FARP2: variants seen among roughly 807,000 people sequenced by gnomAD.
FARP2 encodes the protein FERM, ARHGEF and pleckstrin domain-containing protein 2.
In FARP2, 111 loss-of-function variants were observed where a neutral mutation model predicts 130.5. The observed-to-expected ratio is 0.85, with a 90% CI of 0.73 to 1.00. The LOEUF is 1.00. Among genes scored for constraint, FARP2 ranks in the 50% least tolerant of loss-of-function variants. The pLI, the probability that FARP2 is intolerant of heterozygous loss-of-function variation, is 0.00. For missense variants in FARP2, 1,385 were observed against 1,346.3 expected, an observed-to-expected ratio of 1.03 and a Z score of -0.45; for synonymous variants, 504 against 516.9, an observed-to-expected ratio of 0.98 and a Z score of 0.34.
At chr2:241,380,404 G>T (rs946390849) in intron 2 of FARP2, among the ~76,000 whole-genome samples, 1 of 152,100 alleles carries the variant, frequency 6.6e-6, no homozygotes, top group African/African-American at 2.4e-5. Context: ...CCCCATTTTT[G>T]ATCAGGAGAG....
At chr2:241,390,597 G>A (rs914200100) in intron 2 of FARP2, among the ~76,000 whole-genome samples, 61 of 151,888 alleles carry the variant, frequency 4.0e-4, no homozygotes, top group African/African-American at 1.3e-3. Flanking sequence ...TTATTTAGTT[G>A]GATTCTTTTT....
chr2:241,478,645 G>T, intron 19 of FARP2: 1 of 500,486 alleles, frequency 2.0e-6, no homozygotes, highest in Non-Finnish European at 4.1e-6. Context: ...ACCTTGTGGA[G>T]GAAGGAGTGT....
chr2:241,410,742 T>G (rs2062496008), intron 5 of FARP2, among the ~76,000 whole-genome samples: 1 of 152,188 alleles, frequency 6.6e-6, no homozygotes, highest in Admixed American at 6.5e-5. Context: ...TTTCTTTTTT[T>G]TATTGTTCAC....
intron 18 of FARP2, among the ~76,000 whole-genome samples, chr2:241,473,861 C>G (rs1357908603): frequency 6.6e-6 from 1 of 152,186 alleles, no homozygotes; most frequent in Non-Finnish European, 1.5e-5. Flanking sequence ...TGAAGTTCTT[C>G]CTCATTTTCA....
At chr2:241,425,492 G>C (rs1037026994) in intron 8 of FARP2, among the ~76,000 whole-genome samples, 1 of 151,988 alleles carries the variant, frequency 6.6e-6, no homozygotes, top group African/African-American at 2.4e-5. Context: ...AGAGAAAGAA[G>C]TGTGATTTAA....
intron 22 of FARP2, 66 bp from the exon 23 acceptor site, chr2:241,490,977 GCCCTGACGGCTCGCCCTC>G: frequency 1.0e-6 from 1 of 984,550 alleles, no homozygotes; most frequent in Non-Finnish European, 1.6e-6. Context: ...GAGAACAGGT[GCCCTGACGGCTCGCCCTC>G]CCTTGAGGGC....
At chr2:241,453,216 G>A (rs1468609429) in intron 13 of FARP2, among the ~76,000 whole-genome samples, 1 of 151,740 alleles carries the variant, frequency 6.6e-6, no homozygotes, top group African/African-American at 2.4e-5. Context: ...TCTAGTCCCA[G>A]CTACTCAGGA....
chr2:241,379,039 C>T (rs895090630), intron 2 of FARP2, among the ~76,000 whole-genome samples: 1 of 152,152 alleles, frequency 6.6e-6, no homozygotes, highest in Admixed American at 6.5e-5. Context: ...TGTGCTAAGT[C>T]ATCGGGTAGA....
chr2:241,493,203 T>A, intron 25 of FARP2, 90 bp from the exon 26 acceptor site: 2 of 1,447,020 alleles, frequency 1.4e-6, no homozygotes, highest in Non-Finnish European at 1.9e-6. Flanking sequence ...TGGGCATTTG[T>A]ACGTGCCACC....
Position 241,441,565 on chromosome 2 carries a change from T to C in FARP2, c.1411+9T>C. ...ACTCCAGCCTGGTCCAGGTGTCGGG[T>C]TTTGTCATGTCGTGAGCAGCTGTGG... On this transcript the variant is annotated intron_variant, in intron 13 of 26. Coordinates refer to ENST00000264042, the MANE Select transcript of FARP2 (RefSeq NM_014808.4). The C allele has an allele frequency of 6.2e-7, 1 of 1,613,856 alleles. No homozygotes were observed. The highest frequency in any genetic ancestry group is 8.5e-7 in the Non-Finnish European group (1 of 1,180,038).
intron 9 of FARP2, 45 bp from the exon 10 acceptor site, chr2:241,434,113 A>T (rs2063158711): frequency 2.1e-6 from 3 of 1,437,618 alleles, no homozygotes; most frequent in Admixed American, 2.1e-5. Context: ...TCTCTTGTCC[A>T]ATACTTCATT....
chr2:241,487,798 A>G (rs183280936), intron 21 of FARP2, among the ~76,000 whole-genome samples: 1 of 109,170 alleles, frequency 9.2e-6, no homozygotes, highest in African/African-American at 3.6e-5. Context: ...CCCAGGCTGG[A>G]GTGCAGTGGT....
chr2:241,356,772 G>C lies in FARP2; in HGVS notation c.-25+384G>C, dbSNP rs2061078348. 2.6e-5 allele frequency among the ~76,000 whole-genome samples: 4 copies of C among 152,248 alleles called. No homozygotes were observed. In the South Asian group the frequency reaches 8.3e-4, roughly 31 times the overall value. On this transcript the variant is annotated intron_variant, in intron 1 of 26. Coordinates refer to ENST00000264042, the MANE Select transcript of FARP2 (RefSeq NM_014808.4). ...GAGGCCGGCAGGGCCGTGGGCCGGGGAGTGTCCCATCCCGGAAGGACACCC... is the reference window on the plus strand; with the variant it reads ...GAGGCCGGCAGGGCCGTGGGCCGGGCAGTGTCCCATCCCGGAAGGACACCC...
At chr2:241,431,456 A>G (rs1238881658) in intron 8 of FARP2, among the ~76,000 whole-genome samples, 2 of 152,182 alleles carry the variant, frequency 1.3e-5, no homozygotes, top group African/African-American at 4.8e-5. Flanking sequence ...AGCCTGGGCA[A>G]CAGAGCAAGA....
At chr2:241,417,479 C>T (rs11679356) in intron 7 of FARP2, among the ~76,000 whole-genome samples, 21,586 of 152,014 alleles carry the variant, frequency 0.14, 2,009 homozygotes, top group Non-Finnish European at 0.21. Flanking sequence ...TCCGCCACCA[C>T]GCCTGGCTAA....
intron 2 of FARP2, among the ~76,000 whole-genome samples, chr2:241,387,741 C>T (rs1289187412): frequency 1.3e-5 from 2 of 148,262 alleles, no homozygotes; most frequent in East Asian, 2.0e-4. Flanking sequence ...TGCAGTGAGC[C>T]GAGCTCGCAC....
chr2:241,481,779 G>A (rs2064621953), intron 19 of FARP2, among the ~76,000 whole-genome samples: 1 of 152,160 alleles, frequency 6.6e-6, no homozygotes. Context: ...GTTGAGAGTA[G>A]CTACATAGGC....
chr2:241,442,572 C>T (rs780445520), intron 13 of FARP2: 16 of 422,470 alleles, frequency 3.8e-5, no homozygotes, highest in East Asian at 7.1e-5. Flanking sequence ...CACTCACCCA[C>T]GCTGTGTGGT....
At chr2:241,466,689 ACCCCC>A in intron 17 of FARP2, 1 of 497,490 alleles carries the variant, frequency 2.0e-6, no homozygotes, top group Non-Finnish European at 2.3e-6. Context: ...CCTTCCAACC[ACCCCC>A]CCCCCCACCA....
Sources: gnomAD v4.1 joint callset for allele counts (sites outside exome capture counted in the v4.1 genomes callset) on GRCh38, gnomAD v4.1.1 for gene constraint, MANE v1.5 for transcripts, NCBI Gene and HGNC (gene_info 2026-07-23, HGNC 2026-07-21) for gene names.